PTCD3: variants seen among roughly 807,000 people sequenced by gnomAD.
PTCD3 encodes the protein pentatricopeptide repeat domain 3.
In PTCD3, 89 loss-of-function variants were observed where a neutral mutation model predicts 101.9. The ratio of observed to expected loss-of-function variants is 0.87; its 90% confidence interval spans 0.74 to 1.04. The LOEUF is 1.04. Among genes scored for constraint, PTCD3 ranks in the 50% least tolerant of loss-of-function variants. PTCD3 has a pLI of 0.00. For missense variants in PTCD3, 870 were observed against 828.2 expected, an observed-to-expected ratio of 1.05 and a Z score of -0.62; for synonymous variants, 296 against 278.5, an observed-to-expected ratio of 1.06 and a Z score of -0.63.
chr2:86,131,266 A>G (rs1674489968), intron 16 of PTCD3, among the ~76,000 whole-genome samples, 160 bp downstream of exon 16: 1 of 150,562 alleles, frequency 6.6e-6, no homozygotes, highest in South Asian at 2.1e-4. Flanking sequence ...TTTCTTTGAG[A>G]TGGAGGTTCA....
Position 86,137,005 on chromosome 2 carries a change from T to A in PTCD3, c.1844T>A (p.Met615Lys). The part of the protein sequence containing the change: ...IPRSELLNEL[M>K]DSAKVSNSPS... Reference sequence around the variant, plus strand: ...AGAAGTGAGTTGCTGAATGAGCTTATGGACAGTGCAAAAGTGTCTAACAGC... The same window carrying A: ...AGAAGTGAGTTGCTGAATGAGCTTAAGGACAGTGCAAAAGTGTCTAACAGC... The change falls in exon 23 of 24, where the codon ATG (methionine) becomes AAG (lysine). Residue 615 changes from methionine to lysine, a missense_variant. By Grantham distance (95) the Met-to-Lys change is moderately conservative. Transcript: ENST00000254630. The A allele has an allele frequency of 3.1e-6, 5 of 1,613,810 alleles. No homozygotes were observed. Among genetic ancestry groups the A allele is most frequent in the Non-Finnish European group, 4.2e-6 (5 of 1,179,976 alleles).
In PTCD3 at chr2:86,139,375, G is replaced by C. The variant is rs1674646044; in HGVS notation, c.*1816G>C. 6.6e-6 allele frequency: 1 copy of C among 152,202 alleles called. No homozygotes were observed. Among genetic ancestry groups the C allele is most frequent in the South Asian group, 2.1e-4 (1 of 4,818 alleles). 9.4% of individuals were successfully genotyped at this position (152,202 alleles called of 1,614,324 possible). ...AGCCAGACTGGTGGTATGTATCTGT[G>C]TCCCAGCTAATTGGGAGGGTGAGTT... On this transcript the variant is annotated 3_prime_UTR_variant, in exon 24 of 24. Coordinates refer to ENST00000254630, the MANE Select transcript of PTCD3 (RefSeq NM_017952.6).
Position 86,133,327 on chromosome 2 carries a change from ATG to A in PTCD3, c.1453-15_1453-14del, listed in dbSNP as rs768045075. 9.3e-6 allele frequency: 15 copies of A among 1,614,054 alleles called. No homozygotes were observed. The South Asian group carries it at 1.4e-4, about 15-fold the overall frequency. ...GTTTCTGCAGATTAATGCTTTAAAA[ATG>A]TGTTTCTCTTAATCAGGCCTACTTT... On this transcript the variant is annotated splice_polypyrimidine_tract_variant and intron_variant, in intron 18 of 23. Transcript: ENST00000254630.
intron 11 of PTCD3, 114 bp downstream of exon 11, chr2:86,125,629 C>G: frequency 1.7e-6 from 2 of 1,186,094 alleles, no homozygotes; most frequent in Non-Finnish European, 2.5e-6. Flanking sequence ...TTTCCTGAGG[C>G]GTAGATGATT....
intron 8 of PTCD3, among the ~76,000 whole-genome samples, chr2:86,122,149 C>T (rs577765393): frequency 6.6e-6 from 1 of 152,220 alleles, no homozygotes; most frequent in Non-Finnish European, 1.5e-5. Context: ...ATGTTGAAAA[C>T]AATCTAGATG....
intron 3 of PTCD3, among the ~76,000 whole-genome samples, chr2:86,109,331 C>T (rs200274590): frequency 6.7e-5 from 10 of 149,690 alleles, no homozygotes; most frequent in African/African-American, 2.5e-4. Flanking sequence ...GGCGTGAACC[C>T]GGGAGACGGA....
chr2:86,116,411 C>T lies in PTCD3; in HGVS notation c.241-119C>T, dbSNP rs369004525. On this transcript the variant is annotated intron_variant, in intron 4 of 23. Coordinates refer to ENST00000254630, the MANE Select transcript of PTCD3 (RefSeq NM_017952.6). The stretch of plus-strand genomic sequence containing the variant: ...AAATGGCCAGCTGTGGTGGCACACA[C>T]CTGTAGCCTAGGCTACTTGGGAGGC... 8.7e-5 allele frequency: 71 copies of T among 813,250 alleles called. 2 individuals carry two copies. The highest frequency in any genetic ancestry group is 5.2e-4 in the East Asian group (21 of 40,096). 50.4% of individuals were successfully genotyped at this position (813,250 alleles called of 1,614,324 possible). A position where few individuals can be genotyped will look rare whatever the true frequency, so the allele number is the denominator to read the frequency against.
chr2:86,111,536 A>C (rs1259086832), intron 4 of PTCD3, among the ~76,000 whole-genome samples: 3 of 151,564 alleles, frequency 2.0e-5, no homozygotes, highest in Non-Finnish European at 2.9e-5. Context: ...TGCAGTGAGG[A>C]GAGATCGCGC....
chr2:86,107,253 C>A, intron 1 of PTCD3: 1 of 470,860 alleles, frequency 2.1e-6, no homozygotes, highest in South Asian at 1.5e-5. Context: ...AGCAGAATCT[C>A]TTCCTCAGCA....
rs138914539 is a variant in PTCD3 at position 86,127,659 on chromosome 2, A to G, written c.1097-282A>G. 2.6e-3 allele frequency: 1,222 copies of G among 475,674 alleles called. 10 individuals carry two copies. Among genetic ancestry groups the G allele is most frequent in the African/African-American group, 0.019 (991 of 51,036 alleles). The allele number at this position is 475,674 out of a possible 1,614,324, so 29.5% of individuals were successfully genotyped here. A position where few individuals can be genotyped will look rare whatever the true frequency, so the allele number is the denominator to read the frequency against. ...ATTTTTCATTAATTACTTTATTGAA[A>G]GTTGCTTTGGGAATCAATTCACTTC... On this transcript the variant is annotated intron_variant, in intron 13 of 23. Coordinates refer to ENST00000254630, the MANE Select transcript of PTCD3 (RefSeq NM_017952.6).
rs1674699747 is a variant in PTCD3 at position 86,142,116 on chromosome 2, CATT to C, written c.*4561_*4563del. 6.6e-6 allele frequency: 1 copy of C among 152,018 alleles called. No homozygotes were observed. Among genetic ancestry groups the C allele is most frequent in the African/African-American group, 2.4e-5 (1 of 41,354 alleles). The allele number at this position is 152,018 out of a possible 1,614,324, so 9.4% of individuals were successfully genotyped here. ...CTAAGATTCAGAAGCTTGTAGTCTT[CATT>C]ATTTTGTTTTACAGGTTAAAATAAA... On this transcript the variant is annotated 3_prime_UTR_variant, in exon 24 of 24. Transcript: ENST00000254630.
chr2:86,111,527 G>A (rs1247675999), intron 4 of PTCD3, among the ~76,000 whole-genome samples: 1 of 151,864 alleles, frequency 6.6e-6, no homozygotes, highest in African/African-American at 2.4e-5. Flanking sequence ...GGCAGAGCTT[G>A]CAGTGAGGAG....
intron 16 of PTCD3, among the ~76,000 whole-genome samples, chr2:86,131,318 C>A (rs1217418477): frequency 6.6e-6 from 1 of 152,054 alleles, no homozygotes; most frequent in Non-Finnish European, 1.5e-5. Flanking sequence ...ACCGCAACCT[C>A]TGCCTCCTGG....
At position 86,121,487 on chromosome 2, in the gene PTCD3, G is replaced by C. The variant is rs779846579; in HGVS notation, c.547G>C (p.Val183Leu). 6.3e-7 allele frequency: 1 copy of C among 1,598,316 alleles called. No individual in the cohort carries two copies. Among genetic ancestry groups the C allele is most frequent in the South Asian group, 1.1e-5 (1 of 87,620 alleles). ...CTGTCTCTTACCCACAGGAACCACT[G>C]TGTCTCTTGAAACAACAAATAGTCT... is the stretch of plus-strand genomic sequence containing the variant. Reference protein sequence around the residue: ...FDQLLQAGTTVSLETTNSLLD... With the variant: ...FDQLLQAGTTLSLETTNSLLD... The change falls in exon 8 of 24, where the codon GTG becomes CTG. Residue 183 changes from valine to leucine, a missense_variant. Val to Leu is a conservative substitution (Grantham distance 32, BLOSUM62 1). Coordinates refer to ENST00000254630, the MANE Select transcript of PTCD3 (RefSeq NM_017952.6).
chr2:86,117,543 G>A (rs1250162669), intron 6 of PTCD3, among the ~76,000 whole-genome samples: 3 of 151,664 alleles, frequency 2.0e-5, no homozygotes, highest in Non-Finnish European at 4.4e-5. Context: ...GAACCCCTGG[G>A]CTCAAGTGAT....
chr2:86,113,920 C>T (rs1674132915), intron 4 of PTCD3, among the ~76,000 whole-genome samples: 1 of 152,044 alleles, frequency 6.6e-6, no homozygotes, highest in South Asian at 2.1e-4. Flanking sequence ...ACTACATCTC[C>T]CTACTTGCAA....
At chr2:86,125,257 C>A (rs572671283) in intron 10 of PTCD3, among the ~76,000 whole-genome samples, 175 bp downstream of exon 10, 1 of 152,136 alleles carries the variant, frequency 6.6e-6, no homozygotes, top group African/African-American at 2.4e-5. Context: ...ACTCCTCCCC[C>A]ACTTTCAGTT....
intron 16 of PTCD3, 45 bp from the exon 17 acceptor site, chr2:86,132,273 G>T: frequency 8.5e-7 from 1 of 1,178,144 alleles, no homozygotes; most frequent in South Asian, 1.3e-5. Flanking sequence ...TGAACCACTG[G>T]CTGACAGGGT....
chr2:86,118,825 A>C, intron 6 of PTCD3, 96 bp from the exon 7 acceptor site: 1 of 1,362,014 alleles, frequency 7.3e-7, no homozygotes, highest in Non-Finnish European at 1.0e-6. Context: ...GTGAAGTTTT[A>C]CTTTGGTATG....
Sources: allele counts gnomAD v4.1 joint callset (sites outside exome capture counted in the v4.1 genomes callset), GRCh38; gene constraint gnomAD v4.1.1; transcripts MANE v1.5; gene names NCBI Gene and HGNC (gene_info 2026-07-23, HGNC 2026-07-21).